ERC1: variants seen among roughly 807,000 people sequenced by gnomAD.
The protein encoded by ERC1 is ELKS/RAB6-interacting/CAST family member 1, also known as RAB6 interacting protein 2.
ERC1 carries 56 observed loss-of-function variants against 132.0 expected under a neutral mutation model. That is an observed-to-expected ratio of 0.42 (90% CI 0.34 to 0.53). The LOEUF (loss-of-function observed/expected upper bound fraction) is 0.53, where lower values mean the gene tolerates loss of function less well. Ranked by LOEUF, ERC1 falls within the 20% of genes least tolerant of loss-of-function variation. The pLI is 0.03. For synonymous variants in ERC1, 478 were observed against 476.1 expected (o/e 1.00, Z -0.05); for missense variants, 1,202 against 1,349.9 (o/e 0.89, Z 1.72).
chr12:1,056,717 A>G (rs530750607), intron 2 of ERC1, among the ~76,000 whole-genome samples: 171 of 152,244 alleles, frequency 1.1e-3, no homozygotes, highest in Non-Finnish European at 2.1e-3. Context: ...GGGAAGGTGA[A>G]GCCTCCATGT....
At chr12:1,410,355 G>T in intron 17 of ERC1, 1 of 1,055,856 alleles carries the variant, frequency 9.5e-7, no homozygotes, top group Non-Finnish European at 1.3e-6. Flanking sequence ...TGCTGCCCTG[G>T]GGCATTGCCC....
intron 4 of ERC1, among the ~76,000 whole-genome samples, chr12:1,109,329 A>C (rs1006058151): frequency 6.6e-6 from 1 of 152,234 alleles, no homozygotes; most frequent in Non-Finnish European, 1.5e-5. Context: ...GACAATAAGG[A>C]TTGCTAACAT....
At chr12:1,356,690 T>A (rs141887777) in intron 15 of ERC1, among the ~76,000 whole-genome samples, 2 of 152,354 alleles carry the variant, frequency 1.3e-5, no homozygotes, top group East Asian at 3.9e-4. Flanking sequence ...GCATTGTTTT[T>A]AAATTCTGTC....
chr12:1,193,138 G>A (rs765668406), intron 12 of ERC1, among the ~76,000 whole-genome samples: 1 of 152,116 alleles, frequency 6.6e-6, no homozygotes, highest in Non-Finnish European at 1.5e-5. Flanking sequence ...GGTTCAGATT[G>A]TATTATGAAG....
intron 13 of ERC1, among the ~76,000 whole-genome samples, chr12:1,238,757 A>C (rs1405169716): frequency 1.3e-5 from 2 of 152,156 alleles, no homozygotes; most frequent in Admixed American, 1.3e-4. Flanking sequence ...TAAACCAAAG[A>C]TACTCTTCTA....
chr12:1,430,084 C>CA (rs918743791), intron 17 of ERC1, among the ~76,000 whole-genome samples: 1 of 152,134 alleles, frequency 6.6e-6, no homozygotes. Context: ...ATTGCTCACC[C>CA]ACAGTTTGTG....
chr12:1,195,667 A>G (rs1956152973), intron 12 of ERC1, among the ~76,000 whole-genome samples: 1 of 152,140 alleles, frequency 6.6e-6, no homozygotes, highest in African/African-American at 2.4e-5. Flanking sequence ...CTGCCAACCT[A>G]AGATGAAGCC....
rs532065718 is a variant in ERC1 at position 1,327,731 on chromosome 12, A to C, written c.2780+37719A>C. On this transcript the variant is annotated intron_variant, in intron 15 of 18. Coordinates refer to ENST00000360905, the MANE Select transcript of ERC1 (RefSeq NM_178040.4). ...GTACAAATAAATACACAAGTGGTTT[A>C]CTCTAGCCCATATCTCTGTTCCCAA... Among the ~76,000 whole-genome samples the C allele has an allele frequency of 7.9e-5, 12 of 152,244 alleles. No individual in the cohort carries two copies. The South Asian group carries it at 2.5e-3, about 32-fold the overall frequency.
intron 7 of ERC1, among the ~76,000 whole-genome samples, chr12:1,122,754 G>T (rs78699934): frequency 0.26 from 2,329 of 9,066 alleles, 126 homozygotes; most frequent in South Asian, 0.54. Flanking sequence ...AAAAGAGATA[G>T]GGCTTAGAAT....
chr12:1,015,469 C>T (rs1343781556), intron 1 of ERC1, among the ~76,000 whole-genome samples: 1 of 152,098 alleles, frequency 6.6e-6, no homozygotes, highest in Non-Finnish European at 1.5e-5. Context: ...CAACTAATCT[C>T]TTTGGAAATT....
In ERC1 at chr12:1,008,326, A is replaced by T. The variant is rs375316705; in HGVS notation, c.-157+17004A>T. On this transcript the variant is annotated intron_variant, in intron 1 of 18. Transcript: ENST00000360905. ...CATATGTAATTAAAAAATTTTTAGTAGCCACATTAAAGAGTAAAAAGAAAC... is the reference window on the plus strand; with the variant it reads ...CATATGTAATTAAAAAATTTTTAGTTGCCACATTAAAGAGTAAAAAGAAAC... Among the ~76,000 whole-genome samples, 15 of 152,356 alleles carry T rather than the reference A, an allele frequency of 9.8e-5. No homozygotes were observed. The East Asian group carries it at 1.9e-3, about 20-fold the overall frequency.
chr12:1,011,417 A>C (rs935544984), intron 1 of ERC1, among the ~76,000 whole-genome samples: 1 of 152,048 alleles, frequency 6.6e-6, no homozygotes, highest in Non-Finnish European at 1.5e-5. Flanking sequence ...TATTGCCCAG[A>C]TTGGTCTCAA....
chr12:1,392,672 A>G (rs1429915719), intron 16 of ERC1, among the ~76,000 whole-genome samples: 1 of 152,208 alleles, frequency 6.6e-6, no homozygotes, highest in African/African-American at 2.4e-5. Context: ...CTGGAAATCA[A>G]AGTTTTTCAA....
intron 17 of ERC1, among the ~76,000 whole-genome samples, chr12:1,422,471 T>C (rs565559716): frequency 2.6e-5 from 4 of 152,208 alleles, no homozygotes; most frequent in Non-Finnish European, 5.9e-5. Flanking sequence ...TGCCTGACTT[T>C]TTCACTTAAC....
Position 1,104,693 on chromosome 12 carries a change from GA to G in ERC1, c.1087-50del, listed in dbSNP as rs1241154805. The G allele has an allele frequency of 3.9e-6, 5 of 1,270,172 alleles. No homozygotes were observed. The African/African-American group carries it at 5.9e-5, about 15-fold the overall frequency. 78.7% of individuals were successfully genotyped at this position (1,270,172 alleles called of 1,614,324 possible). ...CATACATCGGCTCTCACTCCTCTTTGAAAAAAATGAGGGTGAACAGGAGAGC... is the reference window on the plus strand; with the variant it reads ...CATACATCGGCTCTCACTCCTCTTTGAAAAAATGAGGGTGAACAGGAGAGC... On this transcript the variant is annotated intron_variant, in intron 3 of 18. Coordinates refer to ENST00000360905, the MANE Select transcript of ERC1 (RefSeq NM_178040.4).
chr12:1,156,970 T>C (rs908107220), intron 8 of ERC1, among the ~76,000 whole-genome samples: 2 of 152,212 alleles, frequency 1.3e-5, no homozygotes, highest in African/African-American at 4.8e-5. Context: ...CTGTTTTTTG[T>C]TTTTTGTTTT....
At position 1,269,274 on chromosome 12, in the gene ERC1, G is replaced by A. The variant is rs79898162; in HGVS notation, c.2619+6109G>A. On this transcript the variant is annotated intron_variant, in intron 14 of 18. Transcript: ENST00000360905. ...TTTCAGAAATACACAATAATTTCTT[G>A]AAAGTTGGAGGGTTAGCAGCTATTT... 7.3e-3 allele frequency among the ~76,000 whole-genome samples: 1,119 copies of A among 152,316 alleles called. 6 individuals carry two copies. Among genetic ancestry groups the A allele is most frequent in the African/African-American group, 0.025 (1,036 of 41,568 alleles).
At chr12:1,346,799 G>T (rs185093574) in intron 15 of ERC1, among the ~76,000 whole-genome samples, 6 of 150,986 alleles carry the variant, frequency 4.0e-5, no homozygotes, top group Non-Finnish European at 4.4e-5. Context: ...AAAATTAGCC[G>T]GGCGCGGTGG....
chr12:1,401,214 G>A (rs925982256), intron 16 of ERC1, among the ~76,000 whole-genome samples: 5 of 152,044 alleles, frequency 3.3e-5, no homozygotes, highest in African/African-American at 4.8e-5. Flanking sequence ...GATTACAGGC[G>A]TGAGCCACCG....
Sources: allele counts gnomAD v4.1 joint callset (sites outside exome capture counted in the v4.1 genomes callset), GRCh38; gene constraint gnomAD v4.1.1; transcripts MANE v1.5; gene names NCBI Gene and HGNC (gene_info 2026-07-23, HGNC 2026-07-21).